PTPRG: variants seen among roughly 807,000 people sequenced by gnomAD.
PTPRG encodes protein tyrosine phosphatase receptor type G.
Under a neutral mutation model 165.3 loss-of-function variants are expected in PTPRG, and 102 were observed. That is an observed-to-expected ratio of 0.62 (90% CI 0.53 to 0.73). The LOEUF (loss-of-function observed/expected upper bound fraction) is 0.73. Among genes scored for constraint, PTPRG ranks in the 30% least tolerant of loss-of-function variants. The pLI is 0.00. For missense variants in PTPRG, 1,866 were observed against 1,861.4 expected, an observed-to-expected ratio of 1.00 and a Z score of -0.05; for synonymous variants, 675 against 669.5, an observed-to-expected ratio of 1.01 and a Z score of -0.13.
chr3:61,830,680 T>C (rs2107291587), intron 2 of PTPRG, among the ~76,000 whole-genome samples: 1 of 150,132 alleles, frequency 6.7e-6, no homozygotes, highest in East Asian at 2.0e-4. Flanking sequence ...GTTCAAGTGA[T>C]TCTCCTGCCT....
At chr3:61,617,595 A>G (rs556460746) in intron 1 of PTPRG, among the ~76,000 whole-genome samples, 1 of 152,314 alleles carries the variant, frequency 6.6e-6, no homozygotes, top group East Asian at 1.9e-4. Context: ...TTAATTTTAC[A>G]GGCTTACCGG....
At chr3:61,873,046 G>A (rs950541943) in intron 2 of PTPRG, among the ~76,000 whole-genome samples, 3 of 151,968 alleles carry the variant, frequency 2.0e-5, no homozygotes, top group Admixed American at 2.0e-4. Flanking sequence ...TTTTTGAAGA[G>A]CCATTGGGCA....
At chr3:62,282,974 C>G (rs1283889303) in intron 28 of PTPRG, 105 bp downstream of exon 28, 1 of 1,050,244 alleles carries the variant, frequency 9.5e-7, no homozygotes, top group East Asian at 2.6e-5. Context: ...TATCAACAAC[C>G]TCAGCTTGTG....
rs935110971 is a variant in PTPRG at position 62,219,019 on chromosome 3, G to T, written c.2288+36G>T. 6.2e-7 allele frequency: 1 copy of T among 1,608,156 alleles called. No individual in the cohort carries two copies. Among genetic ancestry groups the T allele is most frequent in the African/African-American group, 1.3e-5 (1 of 74,676 alleles). ...CAGCACCTACAGCGTAGATTTGGGG[G>T]CCAGATGCTGGCCAGGTTTTGCTCA... On this transcript the variant is annotated intron_variant, in intron 13 of 29. Transcript: ENST00000474889. The surrounding 1 kb of genome is among the most constrained non-coding windows in gnomAD (Gnocchi z 4.5).
chr3:61,816,490 C>T (rs183655608), intron 2 of PTPRG, among the ~76,000 whole-genome samples: 42 of 152,204 alleles, frequency 2.8e-4, no homozygotes, highest in South Asian at 8.3e-4. Context: ...CAGGATTGCG[C>T]CACTGCACTC....
In PTPRG at chr3:62,295,207, C is replaced by A. The variant is rs572949407; in HGVS notation, c.*1900C>A. 1.6e-3 allele frequency: 236 copies of A among 152,204 alleles called. No homozygotes were observed. The highest frequency in any genetic ancestry group is 5.3e-3 in the African/African-American group (222 of 41,530). The allele number at this position is 152,204 out of a possible 1,614,324, so 9.4% of individuals were successfully genotyped here. On this transcript the variant is annotated 3_prime_UTR_variant, in exon 30 of 30. Coordinates refer to ENST00000474889, the MANE Select transcript of PTPRG (RefSeq NM_002841.4). Reference sequence around the variant, plus strand: ...CACCTTTACAGCCCCTCCGCTCCAACCAGAGGTGACACAGGAAGCTCTGTA... The same window carrying A: ...CACCTTTACAGCCCCTCCGCTCCAAACAGAGGTGACACAGGAAGCTCTGTA...
At chr3:62,154,436 C>T (rs1489509127) in intron 6 of PTPRG, among the ~76,000 whole-genome samples, 1 of 152,150 alleles carries the variant, frequency 6.6e-6, no homozygotes, top group Non-Finnish European at 1.5e-5. Flanking sequence ...AACAGAGATG[C>T]CCTTTTGAGT....
chr3:62,081,265 C>A (rs201185978), intron 5 of PTPRG, among the ~76,000 whole-genome samples: 44,228 of 100,032 alleles, frequency 0.44, 8,396 homozygotes, highest in African/African-American at 0.55. Context: ...TCAAAACAAA[C>A]AAACAAACAA....
chr3:61,778,566 G>A (rs1198746718), intron 2 of PTPRG, among the ~76,000 whole-genome samples: 3 of 152,086 alleles, frequency 2.0e-5, no homozygotes, highest in African/African-American at 7.2e-5. Context: ...GGAAGTCAGT[G>A]TGAATCAGCC....
chr3:61,605,656 A>T (rs946731779), intron 1 of PTPRG, among the ~76,000 whole-genome samples: 1 of 150,658 alleles, frequency 6.6e-6, no homozygotes, highest in Non-Finnish European at 1.5e-5. Flanking sequence ...GCTGCCTTGA[A>T]CTCCTGGCCT....
Position 61,995,682 on chromosome 3 carries a change from GCCTTCCTTCCTT to G in PTPRG, c.370+5933_370+5944del, listed in dbSNP as rs781558844. 6.7e-3 allele frequency among the ~76,000 whole-genome samples: 488 copies of G among 72,784 alleles called. 7 individuals carry two copies. Among genetic ancestry groups the G allele is most frequent in the East Asian group, 0.02 (49 of 2,440 alleles). The allele number at this position is 72,784 out of a possible 152,430, so 47.7% of individuals were successfully genotyped here. A position where few individuals can be genotyped will look rare whatever the true frequency, so the allele number is the denominator to read the frequency against. The stretch of plus-strand genomic sequence containing the variant: ...AGGCTTTCCGCCTGCCTGCCCGCCC[GCCTTCCTTCCTT>G]CCTTCCTTCCTTCCTTCCTTCCTTC... On this transcript the variant is annotated intron_variant, in intron 3 of 29. Transcript: ENST00000474889.
chr3:61,923,693 T>TC (rs1336976532), intron 2 of PTPRG, among the ~76,000 whole-genome samples: 1 of 46,774 alleles, frequency 2.1e-5, no homozygotes, highest in Non-Finnish European at 4.7e-5. Flanking sequence ...ATTTTTTGTA[T>TC]TTTTTTTTTT....
intron 5 of PTPRG, among the ~76,000 whole-genome samples, chr3:62,114,807 A>G (rs1702801025): frequency 6.6e-6 from 1 of 151,850 alleles, no homozygotes; most frequent in Non-Finnish European, 1.5e-5. Flanking sequence ...TTGCCCTACT[A>G]ATTTTTAGTT....
At chr3:62,044,169 C>T (rs12631812) in intron 4 of PTPRG, among the ~76,000 whole-genome samples, 72,264 of 151,838 alleles carry the variant, frequency 0.48, 17,929 homozygotes, top group Non-Finnish European at 0.54. Context: ...AGTGCCGCTT[C>T]TTAGCCTTGG....
intron 5 of PTPRG, among the ~76,000 whole-genome samples, chr3:62,113,749 C>T (rs776684670): frequency 3.9e-5 from 6 of 152,154 alleles, no homozygotes; most frequent in Non-Finnish European, 7.3e-5. Flanking sequence ...TAAAACGAAA[C>T]TACTATAAAG....
At position 61,729,815 on chromosome 3, in the gene PTPRG, C is replaced by G. The variant is rs147430545; in HGVS notation, c.86-19063C>G. 2.0e-3 allele frequency among the ~76,000 whole-genome samples: 298 copies of G among 152,104 alleles called. 1 individual carries two copies. The highest frequency in any genetic ancestry group is 6.9e-3 in the African/African-American group (288 of 41,490). The stretch of plus-strand genomic sequence containing the variant: ...TGTACTCTCTTGCCTATTTAATGTA[C>G]TCTGCTCATTAATGTACTTTGCCTA... On this transcript the variant is annotated intron_variant, in intron 1 of 29. Transcript: ENST00000474889.
At chr3:61,575,598 CTTTTTTTTTTTT>C (rs34363041) in intron 1 of PTPRG, among the ~76,000 whole-genome samples, 2 of 117,304 alleles carry the variant, frequency 1.7e-5, no homozygotes, top group African/African-American at 6.8e-5. Flanking sequence ...GCACACAGAA[CTTTTTTTTTTTT>C]TTTTTTTTTG....
chr3:61,874,012 GTAT>G (rs1436443712), intron 2 of PTPRG, among the ~76,000 whole-genome samples: 5 of 152,096 alleles, frequency 3.3e-5, no homozygotes, highest in Non-Finnish European at 7.4e-5. Context: ...AGCTGTTTTT[GTAT>G]TATTATAGTT....
intron 2 of PTPRG, among the ~76,000 whole-genome samples, chr3:61,887,891 C>G (rs1266954125): frequency 1.3e-5 from 2 of 152,110 alleles, no homozygotes; most frequent in African/African-American, 4.8e-5. Context: ...AGGAACATTA[C>G]TTAAAATCTA....
Sources: gnomAD v4.1 joint callset for allele counts (sites outside exome capture counted in the v4.1 genomes callset) on GRCh38, gnomAD v4.1.1 for gene constraint, Gnocchi (gnomAD v3.1) non-coding constraint, MANE v1.5 for transcripts, NCBI Gene and HGNC (gene_info 2026-07-23, HGNC 2026-07-21) for gene names.